Variants in PLXDC2 observed in about 807,000 individuals in gnomAD.
PLXDC2 encodes plexin domain-containing protein 2.
PLXDC2 carries 40 observed loss-of-function variants against 68.9 expected under a neutral mutation model. That is an observed-to-expected ratio of 0.58 (90% confidence interval 0.45 to 0.76). The LOEUF (loss-of-function observed/expected upper bound fraction) is 0.76. Among genes scored for constraint, PLXDC2 ranks in the 30% least tolerant of loss-of-function variants. The probability of loss-of-function intolerance (pLI) is 0.00; values close to 1 mark genes in which losing one functional copy is unlikely to be tolerated. For synonymous variants in PLXDC2, 243 were observed against 234.2 expected (o/e 1.04, Z -0.34); for missense variants, 644 against 661.9 (o/e 0.97, Z 0.30).
chr10:20,175,384 G>A (rs1370809772), intron 7 of PLXDC2, among the ~76,000 whole-genome samples: 1 of 152,122 alleles, frequency 6.6e-6, no homozygotes, highest in Non-Finnish European at 1.5e-5. Context: ...ATGTTCCAGA[G>A]CACATTATTA....
At chr10:19,860,161 C>T (rs1267353319) in intron 1 of PLXDC2, among the ~76,000 whole-genome samples, 2 of 152,124 alleles carry the variant, frequency 1.3e-5, no homozygotes, top group Non-Finnish European at 2.9e-5. Context: ...TCTCTTTTTT[C>T]CCCAAGGGGG....
chr10:20,063,665 G>C (rs1039623481), intron 3 of PLXDC2, among the ~76,000 whole-genome samples: 1 of 152,128 alleles, frequency 6.6e-6, no homozygotes, highest in African/African-American at 2.4e-5. Context: ...ATGTAAAGAA[G>C]GCAAGAAGAG....
chr10:19,955,657 G>A (rs535018324), intron 1 of PLXDC2, among the ~76,000 whole-genome samples: 144 of 152,140 alleles, frequency 9.5e-4, no homozygotes, highest in Non-Finnish European at 1.8e-3. Context: ...CCTGGAATAC[G>A]TTGGGTGCTC....
At chr10:20,034,735 T>C (rs1164796119) in intron 2 of PLXDC2, among the ~76,000 whole-genome samples, 1 of 152,218 alleles carries the variant, frequency 6.6e-6, no homozygotes, top group Non-Finnish European at 1.5e-5. Context: ...ACAGATTACA[T>C]ATATGACAGT....
chr10:19,863,412 T>TAA (rs1837351745), intron 1 of PLXDC2, among the ~76,000 whole-genome samples: 1 of 152,222 alleles, frequency 6.6e-6, no homozygotes, highest in Non-Finnish European at 1.5e-5. Flanking sequence ...TTGACTCTTA[T>TAA]AAACTGATAG....
intron 13 of PLXDC2, among the ~76,000 whole-genome samples, chr10:20,272,439 G>C (rs1360617390): frequency 6.6e-6 from 1 of 151,728 alleles, no homozygotes; most frequent in African/African-American, 2.4e-5. Context: ...AAAAAATGAA[G>C]TCAAAAAAGG....
chr10:20,186,682 T>G (rs1834688408), intron 9 of PLXDC2, among the ~76,000 whole-genome samples: 2 of 152,002 alleles, frequency 1.3e-5, no homozygotes, highest in Admixed American at 1.3e-4. Context: ...TTTCAGTTCC[T>G]CGGTTAGTTT....
chr10:19,936,331 G>A (rs1833722875), intron 1 of PLXDC2, among the ~76,000 whole-genome samples: 1 of 152,148 alleles, frequency 6.6e-6, no homozygotes. Context: ...GTCAGGGGTT[G>A]GCAAATGTTT....
intron 12 of PLXDC2, among the ~76,000 whole-genome samples, chr10:20,235,958 A>G (rs1386569816): frequency 6.6e-6 from 1 of 152,136 alleles, no homozygotes; most frequent in African/African-American, 2.4e-5. Context: ...GGAAAACTCT[A>G]CTAAGTTTTT....
chr10:20,130,142 T>A (rs1486608359), intron 4 of PLXDC2, among the ~76,000 whole-genome samples: 1 of 152,136 alleles, frequency 6.6e-6, no homozygotes, highest in Non-Finnish European at 1.5e-5. Flanking sequence ...ATTCTTCTCA[T>A]CTATGATCAC....
intron 1 of PLXDC2, among the ~76,000 whole-genome samples, chr10:19,907,975 CTTT>C (rs1421376532): frequency 6.6e-6 from 1 of 152,158 alleles, no homozygotes; most frequent in South Asian, 2.1e-4. Context: ...GCTTCAAAAT[CTTT>C]CATTATAAGA....
chr10:19,835,460 C>A (rs974863247), intron 1 of PLXDC2, among the ~76,000 whole-genome samples: 3 of 152,122 alleles, frequency 2.0e-5, no homozygotes, highest in South Asian at 4.1e-4. Context: ...TTAGACTTGG[C>A]GAGTACTGAG....
intron 13 of PLXDC2, among the ~76,000 whole-genome samples, chr10:20,251,216 A>G (rs1351465267): frequency 1.3e-5 from 2 of 152,156 alleles, no homozygotes; most frequent in Non-Finnish European, 2.9e-5. Context: ...AGTTTCTTCA[A>G]CTGACTGGCT....
intron 3 of PLXDC2, among the ~76,000 whole-genome samples, chr10:20,067,906 CTCA>C (rs140386728): frequency 0.014 from 2,189 of 152,234 alleles, 55 homozygotes; most frequent in African/African-American, 0.05. Flanking sequence ...GAATAAGTTG[CTCA>C]TCATCAAGAA....
chr10:20,047,170 T>A (rs1168631876), intron 3 of PLXDC2, among the ~76,000 whole-genome samples, 155 bp downstream of exon 3: 1 of 152,168 alleles, frequency 6.6e-6, no homozygotes, highest in Non-Finnish European at 1.5e-5. Context: ...GTTCTGTAAT[T>A]GTAATTTAGA....
intron 4 of PLXDC2, among the ~76,000 whole-genome samples, chr10:20,119,417 G>A (rs1833665687): frequency 1.3e-5 from 2 of 152,000 alleles, no homozygotes; most frequent in Non-Finnish European, 2.9e-5. Flanking sequence ...CAGTGGGGGA[G>A]CTTGTGAGCC....
Position 20,286,480 on chromosome 10 carries a change from GTC to G in PLXDC2, c.*6667_*6668del, listed in dbSNP as rs1304754624. On this transcript the variant is annotated 3_prime_UTR_variant, in exon 14 of 14. Transcript: ENST00000377252. Reference sequence around the variant, plus strand: ...ACGAGAATTTTGATTTTTAACAGCAGTCTCTCTTTTTCTCAGCATTGCAAATA... The same window carrying G: ...ACGAGAATTTTGATTTTTAACAGCAGTCTCTTTTTCTCAGCATTGCAAATA... The G allele has an allele frequency of 2.0e-5, 3 of 152,118 alleles. No individual in the cohort carries two copies. Among genetic ancestry groups the G allele is most frequent in the African/African-American group, 7.2e-5 (3 of 41,488 alleles). 9.4% of individuals were successfully genotyped at this position (152,118 alleles called of 1,614,324 possible). A position where few individuals can be genotyped will look rare whatever the true frequency, so the allele number is the denominator to read the frequency against.
intron 1 of PLXDC2, among the ~76,000 whole-genome samples, chr10:19,996,415 C>T (rs1005706566): frequency 1.3e-5 from 2 of 152,054 alleles, no homozygotes. Context: ...GACCCCATCT[C>T]TACAAAAAAT....
chr10:19,843,550 A>G (rs1781177863), intron 1 of PLXDC2, among the ~76,000 whole-genome samples: 2 of 152,252 alleles, frequency 1.3e-5, no homozygotes, highest in Non-Finnish European at 2.9e-5. Flanking sequence ...AGGAAAAATA[A>G]GTAAATAACT....
Sources: allele counts gnomAD v4.1 joint callset (sites outside exome capture counted in the v4.1 genomes callset), GRCh38; gene constraint gnomAD v4.1.1; transcripts MANE v1.5; gene names NCBI Gene and HGNC (gene_info 2026-07-23, HGNC 2026-07-21).